UBTD2: variants seen among roughly 807,000 people sequenced by gnomAD.
The protein encoded by UBTD2 is ubiquitin domain-containing protein 2.
Under a neutral mutation model 19.8 loss-of-function variants are expected in UBTD2, and 9 were observed. The observed-to-expected ratio is 0.46, with a 90% CI of 0.27 to 0.79. The LOEUF (loss-of-function observed/expected upper bound fraction) is 0.79. Among genes scored for constraint, UBTD2 ranks in the 30% least tolerant of loss-of-function variants. The pLI is 0.14. For missense variants in UBTD2, 250 were observed against 300.4 expected, an observed-to-expected ratio of 0.83 and a Z score of 1.24; for synonymous variants, 98 against 103.9, an observed-to-expected ratio of 0.94 and a Z score of 0.35.
chr5:172,261,380 C>T (rs998364904), intron 1 of UBTD2, among the ~76,000 whole-genome samples: 1 of 152,192 alleles, frequency 6.6e-6, no homozygotes, highest in Non-Finnish European at 1.5e-5. Context: ...ACAGATTAAA[C>T]AATGCCTTCC....
chr5:172,251,327 G>GAAAAAAAAAAAAAAAA (rs1554129191), intron 1 of UBTD2, among the ~76,000 whole-genome samples: 4 of 104,802 alleles, frequency 3.8e-5, no homozygotes, highest in African/African-American at 1.1e-4. Flanking sequence ...AAAAAAAAAA[G>GAAAAAAAAAAAAAAAA]AAAATAGCCA....
chr5:172,264,001 T>C (rs758006978), intron 1 of UBTD2, among the ~76,000 whole-genome samples: 7 of 152,138 alleles, frequency 4.6e-5, no homozygotes, highest in Non-Finnish European at 7.3e-5. Context: ...AATTTTTATA[T>C]GGTGAAATGT....
chr5:172,245,711 CA>C lies in UBTD2; in HGVS notation c.71-11354del, dbSNP rs201413159. Reference sequence around the variant, plus strand: ...TGGGTGACACAGTAAGACACTGACTCAAAAAAAAAAAAAAGAAAGAAATGAA... The same window carrying C: ...TGGGTGACACAGTAAGACACTGACTCAAAAAAAAAAAAAGAAAGAAATGAA... On this transcript the variant is annotated intron_variant, in intron 1 of 2. Coordinates refer to ENST00000393792, the MANE Select transcript of UBTD2 (RefSeq NM_152277.3). Among the ~76,000 whole-genome samples, 397 of 132,070 alleles carry C rather than the reference CA, an allele frequency of 3.0e-3. 1 individual carries two copies. The highest frequency in any genetic ancestry group is 3.8e-3 in the Middle Eastern group (1 of 260). 86.6% of individuals were successfully genotyped at this position (132,070 alleles called of 152,430 possible).
chr5:172,273,995 G>A (rs545281466), intron 1 of UBTD2, among the ~76,000 whole-genome samples: 1 of 151,992 alleles, frequency 6.6e-6, no homozygotes, highest in African/African-American at 2.4e-5. Flanking sequence ...TGCCAAAGTG[G>A]TATGAAATTT....
chr5:172,253,840 TTA>T (rs1755081521), intron 1 of UBTD2, among the ~76,000 whole-genome samples: 1 of 152,160 alleles, frequency 6.6e-6, no homozygotes, highest in Non-Finnish European at 1.5e-5. Context: ...TGACAATTGA[TTA>T]TGTTAGTTTA....
intron 1 of UBTD2, among the ~76,000 whole-genome samples, chr5:172,253,669 G>T (rs1755076403): frequency 6.6e-6 from 1 of 151,750 alleles, no homozygotes; most frequent in Non-Finnish European, 1.5e-5. Context: ...GGCCAGGATG[G>T]TCTCGATTTC....
chr5:172,215,931 A>T (rs1259887689), intron 2 of UBTD2, among the ~76,000 whole-genome samples: 2 of 152,224 alleles, frequency 1.3e-5, no homozygotes, highest in Non-Finnish European at 2.9e-5. Flanking sequence ...TGGGAGGTTG[A>T]GGCGGGGGTA....
chr5:172,253,271 C>T (rs200099398), intron 1 of UBTD2, among the ~76,000 whole-genome samples: 1 of 152,050 alleles, frequency 6.6e-6, no homozygotes, highest in East Asian at 1.9e-4. Flanking sequence ...TACTTAAGTG[C>T]AATGTTCAGA....
At position 172,216,591 on chromosome 5, in the gene UBTD2, CAAAAAAAA is replaced by C. The variant is rs57657254; in HGVS notation, c.308-4372_308-4365del. On this transcript the variant is annotated intron_variant, in intron 2 of 2. Transcript: ENST00000393792. Reference sequence around the variant, plus strand: ...AACATAGGGAAACCCCATCTCTACCCAAAAAAAAAAAAAAAAAAAAAAAAAAAAGCCAG... The same window carrying C: ...AACATAGGGAAACCCCATCTCTACCCAAAAAAAAAAAAAAAAAAAAGCCAG... Among the ~76,000 whole-genome samples, 5 of 36,924 alleles carry C rather than the reference CAAAAAAAA, an allele frequency of 1.4e-4. No individual in the cohort carries two copies. The East Asian group carries it at 2.0e-3, about 14-fold the overall frequency. The allele number at this position is 36,924 out of a possible 152,430, so 24.2% of individuals were successfully genotyped here. A position where few individuals can be genotyped will look rare whatever the true frequency, so the allele number is the denominator to read the frequency against.
intron 1 of UBTD2, among the ~76,000 whole-genome samples, chr5:172,257,260 A>T (rs937628096): frequency 6.6e-6 from 1 of 152,160 alleles, no homozygotes; most frequent in African/African-American, 2.4e-5. Flanking sequence ...TTCTGTGTTA[A>T]TTCACTTAGG....
At chr5:172,219,659 T>G (rs1020348678) in intron 2 of UBTD2, among the ~76,000 whole-genome samples, 2 of 151,984 alleles carry the variant, frequency 1.3e-5, no homozygotes, top group East Asian at 1.9e-4. Flanking sequence ...CTCAAATAAA[T>G]AAAGAAAAAC....
chr5:172,261,095 T>C (rs985493650), intron 1 of UBTD2, among the ~76,000 whole-genome samples: 2 of 152,350 alleles, frequency 1.3e-5, no homozygotes, highest in African/African-American at 4.8e-5. Context: ...AATGAAACTC[T>C]GTATTACAGG....
chr5:172,215,541 T>A (rs2113872099), intron 2 of UBTD2, among the ~76,000 whole-genome samples: 1 of 152,290 alleles, frequency 6.6e-6, no homozygotes. Context: ...TATGTCCACC[T>A]TTCCCAAAAA....
chr5:172,246,010 A>G (rs1017723234), intron 1 of UBTD2, among the ~76,000 whole-genome samples: 1 of 152,364 alleles, frequency 6.6e-6, no homozygotes, highest in Admixed American at 6.5e-5. Context: ...AGAGCCAGAA[A>G]TATGTGACCA....
At chr5:172,268,842 T>G (rs1755427077) in intron 1 of UBTD2, among the ~76,000 whole-genome samples, 1 of 152,188 alleles carries the variant, frequency 6.6e-6, no homozygotes, top group South Asian at 2.1e-4. Flanking sequence ...TGATAAGATC[T>G]GATTTTGGGG....
At chr5:172,246,531 G>A (rs574276192) in intron 1 of UBTD2, among the ~76,000 whole-genome samples, 18 of 134,748 alleles carry the variant, frequency 1.3e-4, no homozygotes, top group African/African-American at 4.5e-4. Context: ...TGCAACCTCC[G>A]CCTCCCAGGT....
At chr5:172,248,756 T>C (rs1427225394) in intron 1 of UBTD2, among the ~76,000 whole-genome samples, 2 of 149,496 alleles carry the variant, frequency 1.3e-5, no homozygotes, top group African/African-American at 2.5e-5. Flanking sequence ...AGCAAGATCC[T>C]GTCTCAAAAA....
At position 172,278,278 on chromosome 5, in the gene UBTD2, G is replaced by A. The variant is rs573557848; in HGVS notation, c.70+5318C>T. On this transcript the variant is annotated intron_variant, in intron 1 of 2. Coordinates refer to ENST00000393792, the MANE Select transcript of UBTD2 (RefSeq NM_152277.3). ...AGCCCAAATGTCCAACAGATGAATG[G>A]ATAAAAAAAAAAGTGGTATATACAT... Among the ~76,000 whole-genome samples, 4 of 151,662 alleles carry A rather than the reference G, an allele frequency of 2.6e-5. No homozygotes were observed. In the South Asian group the frequency reaches 8.3e-4, roughly 32 times the overall value.
At position 172,246,751 on chromosome 5, in the gene UBTD2, C is replaced by CTTTTTT. The variant is rs70982379; in HGVS notation, c.71-12399_71-12394dup. ...GAGCCACCACGCCCAGCCGAGATTG[C>CTTTTTT]TTTTTTTTTTTTTTTTTTTTTTTTT... On this transcript the variant is annotated intron_variant, in intron 1 of 2. Transcript: ENST00000393792. 4.5e-4 allele frequency among the ~76,000 whole-genome samples: 28 copies of CTTTTTT among 62,496 alleles called. 3 individuals are homozygous for CTTTTTT. Among genetic ancestry groups the CTTTTTT allele is most frequent in the South Asian group, 1.3e-3 (2 of 1,502 alleles). 41.0% of individuals were successfully genotyped at this position (62,496 alleles called of 152,430 possible).
Sources: gnomAD v4.1 joint callset for allele counts (sites outside exome capture counted in the v4.1 genomes callset) on GRCh38, gnomAD v4.1.1 for gene constraint, MANE v1.5 for transcripts, NCBI Gene and HGNC (gene_info 2026-07-23, HGNC 2026-07-21) for gene names.